Variants in ADAMTSL1 observed in about 807,000 individuals in gnomAD.
ADAMTSL1 encodes the protein ADAMTS like 1.
Under a neutral mutation model 201.8 loss-of-function variants are expected in ADAMTSL1, and 126 were observed. That is an observed-to-expected ratio of 0.62 (90% CI 0.54 to 0.72). ADAMTSL1 has a LOEUF of 0.72. ADAMTSL1 is among the 30% of genes least tolerant of loss of function. The pLI is 0.00. For synonymous variants in ADAMTSL1, 1,121 were observed against 903.4 expected, an observed-to-expected ratio of 1.24 and a Z score of -4.32; for missense variants, 2,679 against 2,277.8, an observed-to-expected ratio of 1.18 and a Z score of -3.59.
At chr9:18,841,110 G>A (rs1825688533) in intron 23 of ADAMTSL1, among the ~76,000 whole-genome samples, 1 of 151,110 alleles carries the variant, frequency 6.6e-6, no homozygotes, top group African/African-American at 2.4e-5. Context: ...TCCCTGTCTT[G>A]TGCCAGTTTT....
At chr9:18,364,611 G>T (rs1394647613) in intron 2 of ADAMTSL1, among the ~76,000 whole-genome samples, 1 of 151,544 alleles carries the variant, frequency 6.6e-6, no homozygotes, top group Non-Finnish European at 1.5e-5. Context: ...GGAATTACCA[G>T]ATACAGAATA....
At position 17,913,753 on chromosome 9, in the gene ADAMTSL1, A is replaced by G. The variant is rs542984009; in HGVS notation, c.87+6831A>G. Among the ~76,000 whole-genome samples, 180 of 152,296 alleles carry G rather than the reference A, an allele frequency of 1.2e-3. 6 individuals are homozygous for G. In the South Asian group the frequency reaches 0.036, roughly 30 times the overall value. ...CAGGAGCTGGTTTTTTGAACGGATC[A>G]ACAAAATTGATAGACCGCTAGCGAG... On this transcript the variant is annotated intron_variant, in intron 1 of 29. Coordinates refer to the ADAMTSL1 transcript ENST00000680146.
intron 1 of ADAMTSL1, among the ~76,000 whole-genome samples, chr9:18,039,368 C>T (rs1348838602): frequency 3.3e-5 from 5 of 151,986 alleles, no homozygotes; most frequent in East Asian, 1.9e-4. Context: ...TTCTCAGTGA[C>T]GGATAATGCC....
intron 2 of ADAMTSL1, among the ~76,000 whole-genome samples, chr9:18,448,770 A>G (rs1426251171): frequency 6.6e-6 from 1 of 152,196 alleles, no homozygotes. Context: ...AAAATAAAAA[A>G]GAACCAAAAG....
intron 9 of ADAMTSL1, among the ~76,000 whole-genome samples, chr9:18,669,068 T>C (rs912629547): frequency 6.6e-6 from 1 of 152,206 alleles, no homozygotes; most frequent in African/African-American, 2.4e-5. Flanking sequence ...TTGTTCTGCA[T>C]AATGCCTTAA....
chr9:17,995,515 C>T (rs1368920773), intron 1 of ADAMTSL1, among the ~76,000 whole-genome samples: 2 of 151,850 alleles, frequency 1.3e-5, no homozygotes, highest in African/African-American at 4.8e-5. Context: ...TTAGGTGCTC[C>T]CTTTTATTTT....
At chr9:18,001,329 C>T (rs1040495700) in intron 1 of ADAMTSL1, among the ~76,000 whole-genome samples, 9 of 151,956 alleles carry the variant, frequency 5.9e-5, no homozygotes, top group Admixed American at 1.3e-4. Flanking sequence ...ACTGTCCAAA[C>T]ATATGAATAA....
At chr9:18,228,150 CT>C (rs1798872271) in intron 2 of ADAMTSL1, among the ~76,000 whole-genome samples, 1 of 152,112 alleles carries the variant, frequency 6.6e-6, no homozygotes, top group Non-Finnish European at 1.5e-5. Context: ...GATACAAAAC[CT>C]TTTTCCATAG....
At chr9:17,954,121 C>T (rs1827840680) in intron 1 of ADAMTSL1, among the ~76,000 whole-genome samples, 1 of 152,216 alleles carries the variant, frequency 6.6e-6, no homozygotes, top group African/African-American at 2.4e-5. Flanking sequence ...TCTATCACCT[C>T]ATGTGGGATC....
intron 3 of ADAMTSL1, among the ~76,000 whole-genome samples, chr9:18,559,312 G>A (rs1043233918): frequency 6.6e-6 from 1 of 152,164 alleles, no homozygotes; most frequent in African/African-American, 2.4e-5. Context: ...AGATCAGGTG[G>A]TTGTAGATTT....
At chr9:18,906,207 C>A (rs1830302675) in intron 27 of ADAMTSL1, among the ~76,000 whole-genome samples, 1 of 152,230 alleles carries the variant, frequency 6.6e-6, no homozygotes, top group South Asian at 2.1e-4. Flanking sequence ...GAGGTCTGCA[C>A]AGCGGCCACC....
intron 3 of ADAMTSL1, among the ~76,000 whole-genome samples, chr9:18,563,884 G>T (rs1342463819): frequency 1.3e-5 from 2 of 152,174 alleles, no homozygotes; most frequent in Admixed American, 6.5e-5. Context: ...AGCATTTCAG[G>T]TCGACTTCAG....
chr9:18,772,072 A>G (rs1172901816), intron 17 of ADAMTSL1, among the ~76,000 whole-genome samples: 1 of 152,208 alleles, frequency 6.6e-6, no homozygotes, highest in Non-Finnish European at 1.5e-5. Context: ...AGTGTGTAAA[A>G]TGAGCATGTG....
intron 2 of ADAMTSL1, among the ~76,000 whole-genome samples, chr9:18,294,798 A>C (rs1183934136): frequency 6.6e-6 from 1 of 152,222 alleles, no homozygotes; most frequent in African/African-American, 2.4e-5. Context: ...AAGGTGGGTA[A>C]CTGTTGGAGG....
At chr9:18,113,433 C>T (rs1049756814) in intron 1 of ADAMTSL1, among the ~76,000 whole-genome samples, 5 of 152,072 alleles carry the variant, frequency 3.3e-5, no homozygotes, top group African/African-American at 9.7e-5. Context: ...GCAAGATTGA[C>T]GGTGAGATGT....
intron 7 of ADAMTSL1, chr9:18,651,591 C>T (rs1394304429): frequency 6.6e-6 from 1 of 152,152 alleles, no homozygotes; most frequent in Non-Finnish European, 1.5e-5. Flanking sequence ...ACACTTATTT[C>T]CTGCAGAGGA....
At chr9:17,978,614 T>A (rs533566325) in intron 1 of ADAMTSL1, among the ~76,000 whole-genome samples, 1 of 152,252 alleles carries the variant, frequency 6.6e-6, no homozygotes, top group East Asian at 1.9e-4. Flanking sequence ...TGTCATAAAT[T>A]AAACTTTTAA....
At chr9:18,102,500 T>C (rs1346441747) in intron 1 of ADAMTSL1, among the ~76,000 whole-genome samples, 1 of 152,222 alleles carries the variant, frequency 6.6e-6, no homozygotes. Context: ...TTCAGTTAGT[T>C]AGTGGTCACT....
At chr9:18,463,832 A>G (rs1308631434) in intron 2 of ADAMTSL1, among the ~76,000 whole-genome samples, 1 of 152,230 alleles carries the variant, frequency 6.6e-6, no homozygotes, top group Non-Finnish European at 1.5e-5. Flanking sequence ...GCGTACAAAT[A>G]TCTGTTTGAA....
Sources: allele counts gnomAD v4.1 joint callset (sites outside exome capture counted in the v4.1 genomes callset), GRCh38; gene constraint gnomAD v4.1.1; transcripts MANE v1.5; gene names NCBI Gene and HGNC (gene_info 2026-07-23, HGNC 2026-07-21).